Variants in OPHN1 observed in about 807,000 individuals in gnomAD.
OPHN1 encodes the protein oligophrenin 1, also known as oligophrenin-1.
OPHN1 carries 11 observed loss-of-function variants against 60.7 expected under a neutral mutation model. The ratio of observed to expected loss-of-function variants is 0.18; its 90% CI spans 0.11 to 0.30. OPHN1 has a LOEUF of 0.30. OPHN1 is among the 10% of genes least tolerant of loss of function. The probability of loss-of-function intolerance (pLI) is 1.00; values close to 1 mark genes in which losing one functional copy is unlikely to be tolerated. For synonymous variants in OPHN1, 226 were observed against 222.6 expected, an observed-to-expected ratio of 1.02 and a Z score of -0.14; for missense variants, 449 against 611.0, an observed-to-expected ratio of 0.73 and a Z score of 2.80.
intron 2 of OPHN1, among the ~76,000 whole-genome samples, chrX:68,303,025 C>T (rs2078128543): frequency 9.0e-6 from 1 of 111,616 alleles, no homozygotes; most frequent in Non-Finnish European, 1.9e-5. Context: ...AAAAGATCTA[C>T]ACATGGAAAA....
chrX:68,374,966 C>T (rs1032765312), intron 2 of OPHN1, among the ~76,000 whole-genome samples: 2 of 112,033 alleles, frequency 1.8e-5, no homozygotes, highest in African/African-American at 6.5e-5. Flanking sequence ...AGTGGCCATA[C>T]CATGTGCTGC....
At position 68,285,871 on chromosome X, in the gene OPHN1, T is replaced by TA. The variant is rs201233981; in HGVS notation, c.251-2755dup. Among the ~76,000 whole-genome samples, 1,066 of 110,773 alleles carry TA rather than the reference T, an allele frequency of 9.6e-3. 12 individuals carry two copies. The highest frequency in any genetic ancestry group is 0.032 in the African/African-American group (987 of 30,502). On this transcript the variant is annotated intron_variant, in intron 3 of 24. Coordinates refer to ENST00000355520, the MANE Select transcript of OPHN1 (RefSeq NM_002547.3). Reference sequence around the variant, plus strand: ...AACTGCAAGTTTCAGTTGATTCCTTTAAAAAAAATCTATCTCTTTATTGAT... The same window carrying TA: ...AACTGCAAGTTTCAGTTGATTCCTTTAAAAAAAAATCTATCTCTTTATTGAT...
At chrX:68,315,890 A>G (rs890486027) in intron 2 of OPHN1, among the ~76,000 whole-genome samples, 5 of 111,942 alleles carry the variant, frequency 4.5e-5, no homozygotes, top group Non-Finnish European at 7.5e-5. Flanking sequence ...ACTACAAAGC[A>G]TTAATGAAAG....
chrX:68,251,178 ATG>A (rs1220347207), intron 5 of OPHN1, among the ~76,000 whole-genome samples: 2 of 94,581 alleles, frequency 2.1e-5, no homozygotes, highest in African/African-American at 8.1e-5. Context: ...CCCTCCTCAA[ATG>A]TTTTTTTTTT....
rs1279116520 is a variant in OPHN1, at chrX:68,363,308, C to CT, written c.155-64213dup. ...AAAAATTAAAAATAGGATCTATTAA[C>CT]TTTTTTTTCTTTTTTAGTGAGACAG... is the stretch of plus-strand genomic sequence containing the variant. On this transcript the variant is annotated intron_variant, in intron 2 of 24. Transcript: ENST00000355520. Among the ~76,000 whole-genome samples, 447 of 110,246 alleles carry CT rather than the reference C, an allele frequency of 4.1e-3. 1 individual carries two copies. The highest frequency in any genetic ancestry group is 6.7e-3 in the Non-Finnish European group (352 of 52,725).
chrX:68,311,075 T>C (rs1280997681), intron 2 of OPHN1, among the ~76,000 whole-genome samples: 1 of 109,907 alleles, frequency 9.1e-6, no homozygotes, highest in African/African-American at 3.4e-5. Flanking sequence ...GGCAACATTG[T>C]GAGAAGTTGT....
intron 7 of OPHN1, among the ~76,000 whole-genome samples, chrX:68,213,536 GC>G (rs2077594540): frequency 2.7e-5 from 3 of 109,217 alleles, no homozygotes; most frequent in Non-Finnish European, 3.8e-5. Flanking sequence ...ACTTTCAGAA[GC>G]TTCTGAAAGC....
chrX:68,273,214 T>A (rs1045406538), intron 5 of OPHN1, among the ~76,000 whole-genome samples: 1 of 111,907 alleles, frequency 8.9e-6, no homozygotes, highest in East Asian at 2.8e-4. Context: ...AAAGAAAAAC[T>A]TGCTGTTTTC....
At position 68,299,327 on chromosome X, in the gene OPHN1, G is replaced by A. The variant is rs1183518301; in HGVS notation, c.155-231C>T. ...TCTCAGTAAAGTCCTTAAAAGTTACGGGACATGTTTTTATCCTCAACACCT... is the reference window on the plus strand; with the variant it reads ...TCTCAGTAAAGTCCTTAAAAGTTACAGGACATGTTTTTATCCTCAACACCT... On this transcript the variant is annotated intron_variant, in intron 2 of 24. Transcript: ENST00000355520. 4.5e-5 allele frequency among the ~76,000 whole-genome samples: 5 copies of A among 111,773 alleles called. No homozygotes were observed. The East Asian group carries it at 8.4e-4, about 19-fold the overall frequency.
chrX:68,372,670 G>A lies in OPHN1; in HGVS notation c.154+60197C>T, dbSNP rs1470309524. 1.4e-4 allele frequency among the ~76,000 whole-genome samples: 16 copies of A among 110,668 alleles called. No homozygotes were observed. In the Admixed American group the frequency reaches 1.6e-3, roughly 11 times the overall value. ...CACCAAACTAAGTTGTGTCTTCGGT[G>A]CTGTACAATAAAACATTTGTTTTGC... On this transcript the variant is annotated intron_variant, in intron 2 of 24. Coordinates refer to ENST00000355520, the MANE Select transcript of OPHN1 (RefSeq NM_002547.3).
At chrX:68,242,708 T>C (rs970396938) in intron 5 of OPHN1, among the ~76,000 whole-genome samples, 3 of 111,465 alleles carry the variant, frequency 2.7e-5, no homozygotes, top group Non-Finnish European at 5.6e-5. Flanking sequence ...ATATGTGGTA[T>C]ATACACTAGA....
intron 2 of OPHN1, among the ~76,000 whole-genome samples, chrX:68,378,966 GAAGA>G (rs1227775171): frequency 1.8e-5 from 2 of 110,776 alleles, no homozygotes; most frequent in Non-Finnish European, 3.8e-5. Context: ...CCAATTCTGT[GAAGA>G]AAGTCATTGG....
intron 2 of OPHN1, among the ~76,000 whole-genome samples, chrX:68,396,646 C>G (rs2078686175): frequency 9.2e-6 from 1 of 108,686 alleles, no homozygotes; most frequent in African/African-American, 3.4e-5. Context: ...GAAACCCCAT[C>G]TCTCCTAAAA....
intron 21 of OPHN1, among the ~76,000 whole-genome samples, chrX:68,057,597 G>A (rs771447350): frequency 9.0e-6 from 1 of 111,498 alleles, no homozygotes; most frequent in East Asian, 2.8e-4. Flanking sequence ...ATGAACCTAG[G>A]GCCTTGGAAA....
chrX:68,288,780 A>G (rs2078057350), intron 3 of OPHN1, among the ~76,000 whole-genome samples: 1 of 111,386 alleles, frequency 9.0e-6, no homozygotes, highest in Non-Finnish European at 1.9e-5. Context: ...GAAAAAGAAA[A>G]AGAAAAAAAA....
chrX:68,354,189 G>A (rs5965558), intron 2 of OPHN1, among the ~76,000 whole-genome samples: 34,470 of 109,489 alleles, frequency 0.31, 7,809 homozygotes, highest in African/African-American at 0.81. Context: ...TCACACCTAT[G>A]ATCCCTGCAC....
Position 68,392,520 on chromosome X carries a change from A to G in OPHN1, c.154+40347T>C, listed in dbSNP as rs187626642. On this transcript the variant is annotated intron_variant, in intron 2 of 24. Transcript: ENST00000355520. ...CACACAGGAGACAGGCAAATACTGG[A>G]TGGAAGAGAGTGGTTCCCCAGCAAA... Among the ~76,000 whole-genome samples, 162 of 110,028 alleles carry G rather than the reference A, an allele frequency of 1.5e-3. 1 individual carries two copies. Among genetic ancestry groups the G allele is most frequent in the African/African-American group, 5.0e-3 (152 of 30,253 alleles).
chrX:68,375,149 A>AC (rs1408099539), intron 2 of OPHN1, among the ~76,000 whole-genome samples: 32 of 110,044 alleles, frequency 2.9e-4, no homozygotes, highest in African/African-American at 1.0e-3. Context: ...GTTCACACAC[A>AC]AAAAAAAACA....
At position 68,046,086 on chromosome X, in the gene OPHN1, C is replaced by T. The variant is rs1021635625; in HGVS notation, c.*1086G>A. On this transcript the variant is annotated 3_prime_UTR_variant, in exon 25 of 25. Transcript: ENST00000355520. ...TGTGGTTCTTGACTTTTTTGGGTCA[C>T]GAGCCCATTTGAAATTTAGCAGAAC... The T allele has an allele frequency of 2.7e-5, 3 of 111,733 alleles. No individual in the cohort carries two copies. Among genetic ancestry groups the T allele is most frequent in the Non-Finnish European group, 5.6e-5 (3 of 53,122 alleles). The allele number at this position is 111,733 out of a possible 1,213,427, so 9.2% of individuals were successfully genotyped here.
Sources: allele counts gnomAD v4.1 joint callset (sites outside exome capture counted in the v4.1 genomes callset), GRCh38; gene constraint gnomAD v4.1.1; transcripts MANE v1.5; gene names NCBI Gene and HGNC (gene_info 2026-07-23, HGNC 2026-07-21).